The following OTUD7A variants were observed in gnomAD, a reference collection of about 807,000 sequenced individuals.
OTUD7A encodes the protein OTU domain-containing protein 7A.
OTUD7A carries 12 observed loss-of-function variants against 65.7 expected under a neutral mutation model. The observed-to-expected ratio is 0.18, with a 90% CI of 0.12 to 0.30. The LOEUF (loss-of-function observed/expected upper bound fraction) is 0.30. Ranked by LOEUF, OTUD7A falls within the 10% of genes least tolerant of loss-of-function variation. OTUD7A has a pLI of 1.00. For missense variants in OTUD7A, 1,148 were observed against 1,304.8 expected (o/e 0.88, Z 1.85); for synonymous variants, 641 against 586.3 (o/e 1.09, Z -1.35).
Position 31,483,291 on chromosome 15 carries a change from C to A in OTUD7A, c.*3G>T, listed in dbSNP as rs2041162884. 2.7e-6 allele frequency: 3 copies of A among 1,120,472 alleles called. No individual in the cohort carries two copies. Among genetic ancestry groups the A allele is most frequent in the South Asian group, 4.2e-5 (1 of 23,532 alleles). The allele number at this position is 1,120,472 out of a possible 1,614,324, so 69.4% of individuals were successfully genotyped here. ...CCTCGCCGCCCGCGCCGCGCCGCGC[C>A]GCTCAGGGCCGGGCCCCGCGCGCCT... On this transcript the variant is annotated 3_prime_UTR_variant, in exon 13 of 13. Coordinates refer to ENST00000307050, the MANE Select transcript of OTUD7A (RefSeq NM_001382637.1).
In OTUD7A at chr15:31,621,830, C is replaced by A. The variant is rs553992903; in HGVS notation, c.151+33266G>T. 8.0e-5 allele frequency among the ~76,000 whole-genome samples: 12 copies of A among 150,512 alleles called. No homozygotes were observed. In the South Asian group the frequency reaches 2.3e-3, roughly 29 times the overall value. On this transcript the variant is annotated intron_variant, in intron 3 of 12. Transcript: ENST00000307050. ...ATTATGATGTTAGCTGGTTATTTTG[C>A]TCGTTAGTTGATGCAGTTTCTTCCT...
intron 1 of OTUD7A, among the ~76,000 whole-genome samples, chr15:31,683,190 TTTTA>T (rs1222658040): frequency 6.6e-6 from 1 of 152,214 alleles, no homozygotes; most frequent in African/African-American, 2.4e-5. Flanking sequence ...AAATTCAGTG[TTTTA>T]TTTTAGTGTC....
At chr15:31,841,438 C>T (rs1302669092) in intron 1 of OTUD7A, among the ~76,000 whole-genome samples, 1 of 152,162 alleles carries the variant, frequency 6.6e-6, no homozygotes, top group African/African-American at 2.4e-5. Flanking sequence ...ACACATGCAA[C>T]AAGTGGTCAG....
chr15:31,684,943 A>G (rs1345147268), intron 1 of OTUD7A, among the ~76,000 whole-genome samples: 1 of 149,432 alleles, frequency 6.7e-6, no homozygotes, highest in Non-Finnish European at 1.5e-5. Flanking sequence ...GCTCAAGTGC[A>G]TTGTGCAGGC....
At chr15:31,753,702 T>TAA (rs1206556359) in intron 1 of OTUD7A, among the ~76,000 whole-genome samples, 63 of 11,180 alleles carry the variant, frequency 5.6e-3, no homozygotes, top group African/African-American at 6.5e-3. Flanking sequence ...TATATATATA[T>TAA]TATATATATA....
chr15:31,588,605 A>T (rs1889617923), intron 3 of OTUD7A, among the ~76,000 whole-genome samples: 1 of 152,354 alleles, frequency 6.6e-6, no homozygotes, highest in South Asian at 2.1e-4. Flanking sequence ...TGTGGCAATC[A>T]GTAGAGCCTC....
chr15:31,729,599 G>A (rs1458293058), intron 1 of OTUD7A, among the ~76,000 whole-genome samples: 1 of 152,114 alleles, frequency 6.6e-6, no homozygotes. Flanking sequence ...TGGTACCTGG[G>A]AAATAATATA....
At chr15:31,524,526 C>G (rs1044968301) in intron 8 of OTUD7A, among the ~76,000 whole-genome samples, 1 of 151,538 alleles carries the variant, frequency 6.6e-6, no homozygotes, top group African/African-American at 2.4e-5. Flanking sequence ...ATGGTCTCCC[C>G]GACCCCACCC....
intron 4 of OTUD7A, among the ~76,000 whole-genome samples, chr15:31,561,871 C>T (rs1195559727): frequency 6.6e-6 from 1 of 151,820 alleles, no homozygotes; most frequent in African/African-American, 2.4e-5. Context: ...AAATGTTTTA[C>T]AGGAATTACC....
chr15:31,740,816 G>A (rs1894322611), intron 1 of OTUD7A, among the ~76,000 whole-genome samples: 1 of 152,166 alleles, frequency 6.6e-6, no homozygotes, highest in African/African-American at 2.4e-5. Flanking sequence ...AGCATACACA[G>A]AAAGGACAAA....
chr15:31,589,609 T>C (rs1889659215), intron 3 of OTUD7A, among the ~76,000 whole-genome samples: 1 of 151,990 alleles, frequency 6.6e-6, no homozygotes, highest in African/African-American at 2.4e-5. Context: ...ACCTGTATTT[T>C]CTCATTTTGT....
chr15:31,869,537 T>C (rs1456046486), intron 1 of OTUD7A, among the ~76,000 whole-genome samples: 4 of 152,260 alleles, frequency 2.6e-5, no homozygotes, highest in Non-Finnish European at 5.9e-5. Context: ...GCGGTAACCA[T>C]GTGCATGTCA....
At chr15:31,699,081 CTTT>C (rs570684880) in intron 1 of OTUD7A, among the ~76,000 whole-genome samples, 10 of 128,938 alleles carry the variant, frequency 7.8e-5, no homozygotes, top group African/African-American at 5.7e-5. Context: ...GTGATTAATA[CTTT>C]TTTTTTTTTT....
At chr15:31,759,585 G>A (rs561241949) in intron 1 of OTUD7A, among the ~76,000 whole-genome samples, 136 of 152,322 alleles carry the variant, frequency 8.9e-4, no homozygotes, top group African/African-American at 3.2e-3. Flanking sequence ...CCAGGATGGA[G>A]TGCAGTGGTG....
rs115836345 is a variant in OTUD7A at position 31,792,613 on chromosome 15, G to T, written c.-100+77894C>A. On this transcript the variant is annotated intron_variant, in intron 1 of 12. Transcript: ENST00000307050. ...TTTCTTCTCCTCTGGGACCCTTGCT[G>T]ACTCCTCAGTCTGAGGCAGTCCTCA... Among the ~76,000 whole-genome samples, 484 of 152,268 alleles carry T rather than the reference G, an allele frequency of 3.2e-3. 1 individual carries two copies. The highest frequency in any genetic ancestry group is 0.011 in the African/African-American group (464 of 41,540).
chr15:31,624,831 TG>T (rs1207549800), intron 3 of OTUD7A, among the ~76,000 whole-genome samples: 2 of 152,202 alleles, frequency 1.3e-5, no homozygotes, highest in African/African-American at 2.4e-5. Flanking sequence ...GCTGCTCCTA[TG>T]GGTCCTGATT....
intron 5 of OTUD7A, among the ~76,000 whole-genome samples, chr15:31,552,198 C>A (rs1160901705): frequency 6.6e-6 from 1 of 152,192 alleles, no homozygotes; most frequent in Non-Finnish European, 1.5e-5. Context: ...CTTCCTGAAG[C>A]CTTCACCAGA....
At chr15:31,485,813 C>G (rs911240834) in intron 12 of OTUD7A, among the ~76,000 whole-genome samples, 2 of 152,106 alleles carry the variant, frequency 1.3e-5, no homozygotes, top group Admixed American at 1.3e-4. Flanking sequence ...GTCCCCCCCT[C>G]AAACCCTTCA....
At chr15:31,801,525 C>T (rs981447490) in intron 1 of OTUD7A, among the ~76,000 whole-genome samples, 3 of 152,220 alleles carry the variant, frequency 2.0e-5, no homozygotes, top group Non-Finnish European at 2.9e-5. Context: ...GATACAGAGG[C>T]ATTTTCTCAA....
Sources: allele counts gnomAD v4.1 joint callset (sites outside exome capture counted in the v4.1 genomes callset), GRCh38; gene constraint gnomAD v4.1.1; transcripts MANE v1.5; gene names NCBI Gene and HGNC (gene_info 2026-07-23, HGNC 2026-07-21).